The following SMIM35 variants were observed in gnomAD, a reference collection of about 807,000 sequenced individuals.
The protein encoded by SMIM35 is TMPRSS4 antisense RNA 1 (non-protein coding).
intron 1 of SMIM35, among the ~76,000 whole-genome samples, chr11:118,076,324 G>T (rs1944685103): frequency 6.6e-6 from 1 of 151,920 alleles, no homozygotes; most frequent in Non-Finnish European, 1.5e-5. Context: ...GCAGGTGGCT[G>T]TAGTCCCAGC....
chr11:118,039,959 C>T (rs1459193147), intron 1 of SMIM35, among the ~76,000 whole-genome samples: 2 of 149,954 alleles, frequency 1.3e-5, no homozygotes, highest in African/African-American at 2.5e-5. Flanking sequence ...GTGGTAGGAT[C>T]GCTTGAACCA....
At position 118,013,773 on chromosome 11, in the gene SMIM35, T is replaced by G; in HGVS notation, c.*8A>C. ...CTCCCCAGGGCTTCACAAGTTGCTG[T>G]CTCTGCATCAGACTAGCCCGTTGGA... On this transcript the variant is annotated 3_prime_UTR_variant, in exon 4 of 5. Transcript: ENST00000689828. The G allele has an allele frequency of 2.5e-6, 1 of 399,168 alleles. No homozygotes were observed. Among genetic ancestry groups the G allele is most frequent in the Admixed American group, 4.4e-5 (1 of 22,746 alleles). 24.7% of individuals were successfully genotyped at this position (399,168 alleles called of 1,614,324 possible). A position where few individuals can be genotyped will look rare whatever the true frequency, so the allele number is the denominator to read the frequency against.
At chr11:118,008,429 C>T (rs2058133562) in intron 4 of SMIM35, among the ~76,000 whole-genome samples, 1 of 152,236 alleles carries the variant, frequency 6.6e-6, no homozygotes, top group African/African-American at 2.4e-5. Context: ...CCTCCTGGCT[C>T]CTGGCACCAG....
chr11:118,073,817 T>C (rs1050930722), intron 1 of SMIM35, among the ~76,000 whole-genome samples: 1 of 152,196 alleles, frequency 6.6e-6, no homozygotes, highest in Admixed American at 6.5e-5. Context: ...CATGATGGGG[T>C]GGAGGAGGGT....
At chr11:118,039,994 G>A (rs1943973639) in intron 1 of SMIM35, among the ~76,000 whole-genome samples, 1 of 146,386 alleles carries the variant, frequency 6.8e-6, no homozygotes. Context: ...GCAGTGAGCT[G>A]AGATTGCACC....
chr11:118,036,942 T>C (rs1239836653), intron 1 of SMIM35, among the ~76,000 whole-genome samples: 1 of 152,236 alleles, frequency 6.6e-6, no homozygotes, highest in East Asian at 1.9e-4. Context: ...GCTATTTCTT[T>C]ACCTCCTGTT....
chr11:118,068,240 T>C (rs1212897779), intron 1 of SMIM35, among the ~76,000 whole-genome samples: 1 of 152,042 alleles, frequency 6.6e-6, no homozygotes, highest in African/African-American at 2.4e-5. Flanking sequence ...CTGGACTGGA[T>C]GCTCTTCCTC....
intron 1 of SMIM35, among the ~76,000 whole-genome samples, chr11:118,044,668 G>A (rs538832859): frequency 2.4e-4 from 37 of 151,514 alleles, no homozygotes; most frequent in Middle Eastern, 3.4e-3. Context: ...CAGCTACTCC[G>A]GAGGCTGAGG....
Position 118,015,764 on chromosome 11 carries a change from A to C in SMIM35, c.53T>G (p.Leu18Arg), listed in dbSNP as rs1446473237. Reference sequence around the variant, plus strand: ...GAGGATGGACACGAGCAGCAGCAAGAGCCCCACGCCAAGGATCAGGCCCAA... The same window carrying C: ...GAGGATGGACACGAGCAGCAGCAAGCGCCCCACGCCAAGGATCAGGCCCAA... ...STLGLILGVGLLLLLVSILGY... is the reference protein window; with the variant it reads ...STLGLILGVGRLLLLVSILGY... The change falls in exon 2 of 5, where the codon CTC becomes CGC. Residue 18 changes from leucine (L) to arginine (R), a missense_variant. Transcript: ENST00000689828. 1 of 399,590 alleles carries C rather than the reference A, an allele frequency of 2.5e-6. No individual in the cohort carries two copies. The highest frequency in any genetic ancestry group is 2.1e-5 in the African/African-American group (1 of 48,750). The allele number at this position is 399,590 out of a possible 1,614,324, so 24.8% of individuals were successfully genotyped here. A position where few individuals can be genotyped will look rare whatever the true frequency, so the allele number is the denominator to read the frequency against.
intron 1 of SMIM35, among the ~76,000 whole-genome samples, chr11:118,027,019 T>TTC (rs1295292886): frequency 7.4e-6 from 1 of 135,988 alleles, no homozygotes; most frequent in Admixed American, 7.3e-5. Context: ...ACCACCACTT[T>TTC]TTTTTTTTTT....
chr11:118,038,458 T>G (rs893353482), intron 1 of SMIM35, among the ~76,000 whole-genome samples: 1 of 152,216 alleles, frequency 6.6e-6, no homozygotes, highest in Non-Finnish European at 1.5e-5. Context: ...TACTTTTCTA[T>G]ATGATGTGCA....
At chr11:118,064,921 CG>C (rs1465821571) in intron 1 of SMIM35, among the ~76,000 whole-genome samples, 1 of 152,220 alleles carries the variant, frequency 6.6e-6, no homozygotes, top group African/African-American at 2.4e-5. Flanking sequence ...GGATTACAGG[CG>C]TGAGCCACCA....
chr11:118,033,994 G>A (rs1005487926), intron 1 of SMIM35, among the ~76,000 whole-genome samples: 2 of 152,164 alleles, frequency 1.3e-5, no homozygotes, highest in African/African-American at 2.4e-5. Context: ...TAGGCCAGGC[G>A]CAGTGTCTCA....
At chr11:118,040,486 G>A (rs904402682) in intron 1 of SMIM35, among the ~76,000 whole-genome samples, 2 of 152,154 alleles carry the variant, frequency 1.3e-5, no homozygotes, top group Admixed American at 6.5e-5. Context: ...AAAGTCCTAC[G>A]TTTAGCAAAG....
intron 1 of SMIM35, among the ~76,000 whole-genome samples, chr11:118,067,987 G>T (rs1236966316): frequency 6.7e-6 from 1 of 148,916 alleles, no homozygotes; most frequent in Non-Finnish European, 1.5e-5. Flanking sequence ...CTATCCCAAT[G>T]GTTTGTCTTG....
intron 1 of SMIM35, chr11:118,025,542 G>A (rs965168004): frequency 2.2e-6 from 1 of 455,434 alleles, no homozygotes; most frequent in Non-Finnish European, 4.4e-6. Context: ...CCAATGATTA[G>A]TGATGTTGAG....
At chr11:118,062,481 G>T (rs769451353) in intron 1 of SMIM35, among the ~76,000 whole-genome samples, 22 of 152,210 alleles carry the variant, frequency 1.4e-4, no homozygotes, top group Non-Finnish European at 3.1e-4. Context: ...CAAAGCAAAG[G>T]TGACAACTGC....
At chr11:118,064,385 A>C (rs1221271768) in intron 1 of SMIM35, among the ~76,000 whole-genome samples, 1 of 152,180 alleles carries the variant, frequency 6.6e-6, no homozygotes, top group Non-Finnish European at 1.5e-5. Context: ...CCAAGGTCCC[A>C]CCGGAGGTTC....
At chr11:118,056,274 G>C (rs1162862616) in intron 1 of SMIM35, among the ~76,000 whole-genome samples, 1 of 152,178 alleles carries the variant, frequency 6.6e-6, no homozygotes, top group African/African-American at 2.4e-5. Flanking sequence ...ATCCTGGAGA[G>C]ATGATGGGAG....
Sources: gnomAD v4.1 joint callset for allele counts (sites outside exome capture counted in the v4.1 genomes callset) on GRCh38, gnomAD v4.1.1 for gene constraint, MANE v1.5 for transcripts, NCBI Gene and HGNC (gene_info 2026-07-23, HGNC 2026-07-21) for gene names.